The following ARL15 variants were observed in gnomAD, a reference collection of about 807,000 sequenced individuals.
ARL15 encodes ADP-ribosylation factor-like protein 15.
Under a neutral mutation model 25.2 loss-of-function variants are expected in ARL15, and 19 were observed. The observed-to-expected ratio is 0.75, with a 90% CI of 0.53 to 1.10. The LOEUF is 1.10. Ranked by LOEUF, ARL15 falls within the 50% of genes least tolerant of loss-of-function variation. The pLI is 0.00. For missense variants in ARL15, 220 were observed against 246.0 expected (o/e 0.89, Z 0.71); for synonymous variants, 94 against 86.8 (o/e 1.08, Z -0.46).
chr5:54,050,971 CA>C (rs1175410457), intron 4 of ARL15, among the ~76,000 whole-genome samples: 1 of 152,130 alleles, frequency 6.6e-6, no homozygotes, highest in Non-Finnish European at 1.5e-5. Context: ...AACTGTAAGT[CA>C]TATAACTAGT....
At chr5:54,168,533 A>G (rs1754639606) in intron 2 of ARL15, among the ~76,000 whole-genome samples, 1 of 151,938 alleles carries the variant, frequency 6.6e-6, no homozygotes, top group Admixed American at 6.6e-5. Flanking sequence ...CCCCACAAGT[A>G]TTGTCCCTGC....
intron 4 of ARL15, among the ~76,000 whole-genome samples, chr5:54,015,062 G>A (rs1749371353): frequency 1.3e-5 from 2 of 151,874 alleles, no homozygotes; most frequent in South Asian, 4.2e-4. Context: ...GGAGGTCAAG[G>A]CAGGTAGATC....
chr5:54,162,280 C>T (rs747841006), intron 2 of ARL15, among the ~76,000 whole-genome samples: 35 of 152,110 alleles, frequency 2.3e-4, no homozygotes, highest in Non-Finnish European at 4.6e-4. Context: ...GCATCTACCC[C>T]TTTTCTCCTA....
At chr5:54,029,027 T>TA (rs879677233) in intron 4 of ARL15, among the ~76,000 whole-genome samples, 98 of 142,148 alleles carry the variant, frequency 6.9e-4, no homozygotes, top group South Asian at 1.8e-3. Flanking sequence ...AACCTCTGTC[T>TA]AAAAAAAAAA....
At chr5:53,994,718 T>C (rs1025915981) in intron 4 of ARL15, among the ~76,000 whole-genome samples, 1 of 152,242 alleles carries the variant, frequency 6.6e-6, no homozygotes, top group African/African-American at 2.4e-5. Context: ...CATCTAAATG[T>C]AGGCCATATA....
intron 4 of ARL15, among the ~76,000 whole-genome samples, chr5:53,947,167 G>GGGGGGTGT (rs752822788): frequency 4.0e-5 from 5 of 123,660 alleles, no homozygotes; most frequent in Admixed American, 2.5e-4. Context: ...AATAAATAAG[G>GGGGGGTGT]GTGTGTGTGT....
At chr5:54,082,198 T>C (rs1284475161) in intron 4 of ARL15, among the ~76,000 whole-genome samples, 1 of 152,126 alleles carries the variant, frequency 6.6e-6, no homozygotes, top group Non-Finnish European at 1.5e-5. Context: ...AGTGTGTGAT[T>C]CTAGTATTTA....
chr5:53,909,429 G>A (rs899807625), intron 4 of ARL15, among the ~76,000 whole-genome samples: 5 of 152,214 alleles, frequency 3.3e-5, no homozygotes, highest in African/African-American at 1.2e-4. Flanking sequence ...CAATCAGGCT[G>A]GGCACGGTGG....
chr5:54,158,155 C>T (rs1340977611), intron 2 of ARL15, among the ~76,000 whole-genome samples: 4 of 152,034 alleles, frequency 2.6e-5, no homozygotes, highest in African/African-American at 9.7e-5. Context: ...ATCAAAATAC[C>T]TTTCTCAAAG....
intron 1 of ARL15, among the ~76,000 whole-genome samples, chr5:54,276,687 A>T (rs1296601547): frequency 6.6e-6 from 1 of 152,132 alleles, no homozygotes. Context: ...ATTAAGGATC[A>T]TGAGATGGGG....
chr5:54,015,167 AC>A (rs1177895003), intron 4 of ARL15, among the ~76,000 whole-genome samples: 1 of 151,752 alleles, frequency 6.6e-6, no homozygotes, highest in African/African-American at 2.4e-5. Flanking sequence ...GGTGGTGGGC[AC>A]CTGTAATAGC....
intron 4 of ARL15, among the ~76,000 whole-genome samples, chr5:54,112,820 C>A (rs1254325986): frequency 1.3e-5 from 2 of 152,150 alleles, no homozygotes; most frequent in African/African-American, 4.8e-5. Flanking sequence ...AAGAACATGA[C>A]ACCTGAAGGC....
intron 1 of ARL15, among the ~76,000 whole-genome samples, chr5:54,264,327 C>T (rs974178923): frequency 1.3e-5 from 2 of 152,208 alleles, no homozygotes; most frequent in Non-Finnish European, 2.9e-5. Context: ...TCACCTCTCC[C>T]CTTATCACAC....
chr5:53,896,340 A>C (rs939677480), intron 4 of ARL15, among the ~76,000 whole-genome samples: 1 of 150,872 alleles, frequency 6.6e-6, no homozygotes, highest in Non-Finnish European at 1.5e-5. Flanking sequence ...AGCCTATTTA[A>C]TCATTTTTAT....
intron 3 of ARL15, among the ~76,000 whole-genome samples, chr5:54,138,564 A>G (rs1753674107): frequency 6.6e-6 from 1 of 152,216 alleles, no homozygotes; most frequent in Admixed American, 6.5e-5. Context: ...ATCTGTAAGA[A>G]TTCTAGAAGA....
intron 2 of ARL15, among the ~76,000 whole-genome samples, chr5:54,158,571 C>T (rs1754308164): frequency 6.6e-6 from 1 of 152,166 alleles, no homozygotes; most frequent in Non-Finnish European, 1.5e-5. Flanking sequence ...ATCAGTACTA[C>T]TGTCCCAAGA....
chr5:54,082,995 C>T lies in ARL15; in HGVS notation c.462+30207G>A, dbSNP rs531227521. ...AAAATGAAAAGACAGATGAGGCCTA[C>T]GAATCTTCATATTTTAGAGTAAAAA... On this transcript the variant is annotated intron_variant, in intron 4 of 4. Transcript: ENST00000504924. Among the ~76,000 whole-genome samples the T allele has an allele frequency of 9.9e-5, 15 of 151,978 alleles. No individual in the cohort carries two copies. The South Asian group carries it at 2.1e-3, about 21-fold the overall frequency.
In ARL15 at chr5:54,193,740, T is replaced by TTTTTG. The variant is rs70986665; in HGVS notation, c.49-21813_49-21812insCAAAA. Among the ~76,000 whole-genome samples the TTTTTG allele has an allele frequency of 3.7e-4, 54 of 145,556 alleles. 1 individual carries two copies. Among genetic ancestry groups the TTTTTG allele is most frequent in the Non-Finnish European group, 4.4e-4 (29 of 66,440 alleles). ...TAAAGCCTTCATTTTTTTTTTTTTT[T>TTTTTG]CCAGAACTGTAACTACTTCGACTTA... is the stretch of plus-strand genomic sequence containing the variant. On this transcript the variant is annotated intron_variant, in intron 1 of 4. Transcript: ENST00000504924.
At position 54,048,306 on chromosome 5, in the gene ARL15, G is replaced by A. The variant is rs1561202011; in HGVS notation, c.462+64896C>T. 2.0e-5 allele frequency: 3 copies of A among 150,802 alleles called. No homozygotes were observed. The South Asian group carries it at 6.3e-4, about 32-fold the overall frequency. 9.3% of individuals were successfully genotyped at this position (150,802 alleles called of 1,614,324 possible). On this transcript the variant is annotated intron_variant, in intron 4 of 4. Coordinates refer to ENST00000504924, the MANE Select transcript of ARL15 (RefSeq NM_019087.3). Reference sequence around the variant, plus strand: ...ACTATTGGTGCATGCCACCTCACTTGGCTTATTTGTTTTTAAAATATGCTA... The same window carrying A: ...ACTATTGGTGCATGCCACCTCACTTAGCTTATTTGTTTTTAAAATATGCTA...
Sources: allele counts gnomAD v4.1 joint callset (sites outside exome capture counted in the v4.1 genomes callset), GRCh38; gene constraint gnomAD v4.1.1; transcripts MANE v1.5; gene names NCBI Gene and HGNC (gene_info 2026-07-23, HGNC 2026-07-21).